AFF3: variants seen among roughly 807,000 people sequenced by gnomAD.
The protein encoded by AFF3 is ALF transcription elongation factor 3, also known as AF4/FMR2 family member 3.
AFF3 carries 32 observed loss-of-function variants against 129.7 expected under a neutral mutation model. That is an observed-to-expected ratio of 0.25 (90% CI 0.19 to 0.33). The LOEUF (loss-of-function observed/expected upper bound fraction) is 0.33. Ranked by LOEUF, AFF3 falls within the 10% of genes least tolerant of loss-of-function variation. AFF3 has a pLI of 1.00. For missense variants in AFF3, 1,373 were observed against 1,592.0 expected, an observed-to-expected ratio of 0.86 and a Z score of 2.34; for synonymous variants, 644 against 635.4, an observed-to-expected ratio of 1.01 and a Z score of -0.20.
rs1282436970 is a variant in AFF3, at chr2:99,545,596, T to A, written c.*5878A>T. 6.5e-6 allele frequency: 1 copy of A among 153,666 alleles called. No homozygotes were observed. Among genetic ancestry groups the A allele is most frequent in the African/African-American group, 2.4e-5 (1 of 41,480 alleles). 9.5% of individuals were successfully genotyped at this position (153,666 alleles called of 1,614,324 possible). A position where few individuals can be genotyped will look rare whatever the true frequency, so the allele number is the denominator to read the frequency against. ...CCCTGATTCAGCTTTTCAGGCTACA[T>A]CAATACCCCTGGTGCTTCAACACAA... On this transcript the variant is annotated 3_prime_UTR_variant, in exon 25 of 25. Coordinates refer to ENST00000672756, the MANE Select transcript of AFF3 (RefSeq NM_001386135.1).
intron 11 of AFF3, among the ~76,000 whole-genome samples, chr2:99,717,002 C>T (rs1678463250): frequency 6.6e-6 from 1 of 152,162 alleles, no homozygotes; most frequent in South Asian, 2.1e-4. Flanking sequence ...TTACAGTATA[C>T]ACTCTTATGT....
chr2:99,988,693 C>G (rs1173498419), intron 7 of AFF3, among the ~76,000 whole-genome samples: 2 of 152,130 alleles, frequency 1.3e-5, no homozygotes, highest in Non-Finnish European at 2.9e-5. Context: ...GGAAAGAAAT[C>G]AGTTTAACTT....
At chr2:100,068,919 G>A (rs1372423043) in intron 4 of AFF3, among the ~76,000 whole-genome samples, 1 of 152,050 alleles carries the variant, frequency 6.6e-6, no homozygotes, top group Admixed American at 6.5e-5. Flanking sequence ...ATCACTTTGG[G>A]TATTTTTTTC....
chr2:99,710,166 T>TA (rs1677767563), intron 11 of AFF3, among the ~76,000 whole-genome samples: 1 of 152,240 alleles, frequency 6.6e-6, no homozygotes, highest in African/African-American at 2.4e-5. Flanking sequence ...TGTTTCAGCT[T>TA]ACACTTATTG....
intron 4 of AFF3, among the ~76,000 whole-genome samples, chr2:100,050,860 G>C (rs1194507115): frequency 1.3e-5 from 2 of 152,102 alleles, no homozygotes; most frequent in Non-Finnish European, 2.9e-5. Context: ...ACCTCTTCTG[G>C]GGATGCTGCT....
At position 100,092,833 on chromosome 2, in the gene AFF3, G is replaced by A. The variant is rs1476675205; in HGVS notation, c.53+11569C>T. Among the ~76,000 whole-genome samples, 4 of 151,548 alleles carry A rather than the reference G, an allele frequency of 2.6e-5. No homozygotes were observed. The East Asian group carries it at 7.8e-4, about 30-fold the overall frequency. On this transcript the variant is annotated intron_variant, in intron 4 of 24. Coordinates refer to ENST00000672756, the MANE Select transcript of AFF3 (RefSeq NM_001386135.1). ...TCCCTAAAATACCATGCTGAGTAGG[G>A]TACCCCCGTACATACTCCACAGGAT...
At chr2:99,717,088 T>G (rs939635641) in intron 11 of AFF3, among the ~76,000 whole-genome samples, 32 of 152,226 alleles carry the variant, frequency 2.1e-4, no homozygotes, top group Non-Finnish European at 4.3e-4. Context: ...TGCTATTTGA[T>G]TAGAAGTATT....
chr2:99,558,947 C>G lies in AFF3; in HGVS notation c.3213G>C (p.Leu1071=), dbSNP rs1158722229. ...AALCYRCLAL[L]YWRMFRLKRD... ...TTTTGAGTCGAAACATCCGCCAGTA[C>G]AGGAGGGCCAGGCATCGGTAACTGC... is the stretch of plus-strand genomic sequence containing the variant. Residue 1071 remains leucine (L), a synonymous_variant, in exon 22 of 25, where the codon CTG becomes CTC. Coordinates refer to ENST00000672756, the MANE Select transcript of AFF3 (RefSeq NM_001386135.1). The G allele has an allele frequency of 3.7e-6, 6 of 1,614,050 alleles. No individual in the cohort carries two copies. The highest frequency in any genetic ancestry group is 5.1e-6 in the Non-Finnish European group (6 of 1,180,032).
At chr2:100,030,481 C>T (rs1167666620) in intron 4 of AFF3, among the ~76,000 whole-genome samples, 3 of 152,114 alleles carry the variant, frequency 2.0e-5, no homozygotes, top group East Asian at 3.8e-4. Flanking sequence ...TAAACATAGT[C>T]CCACCATGCA....
intron 11 of AFF3, 21 bp from the exon 12 acceptor site, chr2:99,672,610 G>T: frequency 6.2e-7 from 1 of 1,610,494 alleles, no homozygotes; most frequent in Non-Finnish European, 8.5e-7. Flanking sequence ...GAACAAAGAG[G>T]TACAAAGAGG....
chr2:100,106,149 C>G, intron 2 of AFF3: 1 of 1,227,298 alleles, frequency 8.1e-7, no homozygotes, highest in South Asian at 1.4e-5. Flanking sequence ...AGCCTGGCTC[C>G]CTTCTTCCCC....
At chr2:99,556,153 C>T (rs955600703) in intron 22 of AFF3, among the ~76,000 whole-genome samples, 9 of 152,266 alleles carry the variant, frequency 5.9e-5, no homozygotes, top group Middle Eastern at 3.4e-3. Context: ...GTAAAGGCTA[C>T]TGAATGGAGG....
At chr2:100,030,637 TTGG>T (rs1559071840) in intron 4 of AFF3, among the ~76,000 whole-genome samples, 1 of 152,172 alleles carries the variant, frequency 6.6e-6, no homozygotes, top group African/African-American at 2.4e-5. Context: ...AGATGAACCA[TTGG>T]TGGTATATCC....
At chr2:100,022,220 T>A (rs1164919135) in intron 4 of AFF3, among the ~76,000 whole-genome samples, 1 of 152,214 alleles carries the variant, frequency 6.6e-6, no homozygotes, top group East Asian at 1.9e-4. Context: ...GTTAGACACC[T>A]AATCTATCAT....
At chr2:99,858,467 C>T (rs1021450616) in intron 7 of AFF3, among the ~76,000 whole-genome samples, 2 of 151,896 alleles carry the variant, frequency 1.3e-5, no homozygotes, top group East Asian at 3.9e-4. Flanking sequence ...GGGAGGACTG[C>T]CTAAGCCCAG....
intron 13 of AFF3, among the ~76,000 whole-genome samples, chr2:99,610,825 T>C (rs1575500780): frequency 2.0e-5 from 3 of 152,328 alleles, no homozygotes; most frequent in Admixed American, 2.0e-4. Context: ...TTTATGTCTT[T>C]TGTAAAATTT....
intron 4 of AFF3, among the ~76,000 whole-genome samples, chr2:100,074,844 G>A (rs1325599489): frequency 6.6e-6 from 1 of 152,164 alleles, no homozygotes; most frequent in African/African-American, 2.4e-5. Flanking sequence ...TCTGACTCTG[G>A]AGAATTAAGG....
chr2:99,903,218 T>C (rs1295521393), intron 7 of AFF3, among the ~76,000 whole-genome samples: 2 of 152,174 alleles, frequency 1.3e-5, no homozygotes, highest in African/African-American at 2.4e-5. Flanking sequence ...AACCAAATTA[T>C]GACACGTAAT....
At chr2:99,963,074 G>C (rs1677391565) in intron 7 of AFF3, among the ~76,000 whole-genome samples, 2 of 151,952 alleles carry the variant, frequency 1.3e-5, no homozygotes, top group African/African-American at 4.8e-5. Flanking sequence ...CTCTAGGGGA[G>C]TAACAATTCA....
Sources: gnomAD v4.1 joint callset for allele counts (sites outside exome capture counted in the v4.1 genomes callset) on GRCh38, gnomAD v4.1.1 for gene constraint, MANE v1.5 for transcripts, NCBI Gene and HGNC (gene_info 2026-07-23, HGNC 2026-07-21) for gene names.